Variants in OR1J2 observed in about 807,000 individuals in gnomAD.
OR1J2 encodes olfactory receptor 1J2.
For synonymous variants in OR1J2, 142 were observed against 99.7 expected (o/e 1.42, Z -2.52); for missense variants, 304 against 246.1 (o/e 1.24, Z -1.57).
the OR1J2 span, among the ~76,000 whole-genome samples, chr9:122,456,150 T>C: frequency 6.6e-6 from 1 of 152,222 alleles, no homozygotes; most frequent in Non-Finnish European, 1.5e-5. Context: ...TTTGTTCTTA[T>C]TTTTCAATAT....
the OR1J2 span, among the ~76,000 whole-genome samples, chr9:122,579,713 C>CCTGAAA: frequency 6.6e-6 from 1 of 152,062 alleles, no homozygotes; most frequent in African/African-American, 2.4e-5. Context: ...AGGATTAAGT[C>CCTGAAA]TACATTTTAT....
the OR1J2 span, among the ~76,000 whole-genome samples, chr9:122,467,477 A>T: frequency 6.6e-6 from 1 of 152,196 alleles, no homozygotes; most frequent in Non-Finnish European, 1.5e-5. Flanking sequence ...GTCATTTGTT[A>T]TGTCATTCCC....
the OR1J2 span, among the ~76,000 whole-genome samples, chr9:122,551,251 A>T: frequency 1.3e-5 from 2 of 152,320 alleles, no homozygotes; most frequent in East Asian, 3.9e-4. Context: ...GGATAATAGC[A>T]TGTACTCCAG....
At chr9:122,505,686 A>G in the OR1J2 span, among the ~76,000 whole-genome samples, 9 of 152,234 alleles carry the variant, frequency 5.9e-5, no homozygotes, top group Admixed American at 5.9e-4. Flanking sequence ...ATCCCTATAT[A>G]TTTCACCCCT....
chr9:122,468,807 C>A, the OR1J2 span, among the ~76,000 whole-genome samples: 3 of 152,186 alleles, frequency 2.0e-5, no homozygotes, highest in Non-Finnish European at 4.4e-5. Context: ...TTTCTGCTAG[C>A]GGACTAACCT....
At chr9:122,526,892 C>T in the OR1J2 span, 11 of 1,614,146 alleles carry the variant, frequency 6.8e-6, no homozygotes, top group African/African-American at 1.3e-4. Flanking sequence ...CTTGGGGCCT[C>T]ATGACTGTGG....
the OR1J2 span, among the ~76,000 whole-genome samples, chr9:122,547,882 G>A: frequency 6.6e-6 from 1 of 152,026 alleles, no homozygotes; most frequent in Non-Finnish European, 1.5e-5. Context: ...TTTCCATAGA[G>A]GCTGTATTAA....
the OR1J2 span, chr9:122,553,386 C>G: frequency 2.3e-5 from 37 of 1,614,148 alleles, no homozygotes; most frequent in South Asian, 4.0e-4. Flanking sequence ...CCCACACCTC[C>G]ATACTCCCAT....
chr9:122,489,196 A>T, the OR1J2 span, among the ~76,000 whole-genome samples: 6 of 152,208 alleles, frequency 3.9e-5, no homozygotes, highest in South Asian at 4.1e-4. Flanking sequence ...AACCCAAATT[A>T]AAGGCATCAA....
chr9:122,524,076 C>T, the OR1J2 span, among the ~76,000 whole-genome samples: 3 of 152,168 alleles, frequency 2.0e-5, no homozygotes, highest in Non-Finnish European at 4.4e-5. Flanking sequence ...TCATGTGCCT[C>T]ATAATGATGT....
the OR1J2 span, among the ~76,000 whole-genome samples, chr9:122,543,755 A>G: frequency 6.6e-6 from 1 of 152,336 alleles, no homozygotes; most frequent in East Asian, 1.9e-4. Context: ...CTCAACATCA[A>G]CAACCAGAGA....
chr9:122,495,872 C>T, the OR1J2 span, among the ~76,000 whole-genome samples: 27 of 152,214 alleles, frequency 1.8e-4, no homozygotes, highest in South Asian at 1.2e-3. Context: ...TTTGTCCTAC[C>T]GGGTGCTCCC....
At chr9:122,478,171 T>C in the OR1J2 span, among the ~76,000 whole-genome samples, 1 of 152,238 alleles carries the variant, frequency 6.6e-6, no homozygotes, top group African/African-American at 2.4e-5. Flanking sequence ...TAAAAGTTGT[T>C]TGCTAAATGT....
At chr9:122,520,975 G>T in the OR1J2 span, among the ~76,000 whole-genome samples, 128 of 152,308 alleles carry the variant, frequency 8.4e-4, no homozygotes, top group African/African-American at 2.8e-3. Flanking sequence ...CTTCTGAGAA[G>T]CAGCAATGTG....
At chr9:122,522,416 A>G in the OR1J2 span, among the ~76,000 whole-genome samples, 1 of 152,230 alleles carries the variant, frequency 6.6e-6, no homozygotes, top group Non-Finnish European at 1.5e-5. Flanking sequence ...GTAACACACA[A>G]TTCTGACATG....
chr9:122,569,100 A>C, the OR1J2 span, among the ~76,000 whole-genome samples: 1 of 152,162 alleles, frequency 6.6e-6, no homozygotes, highest in Non-Finnish European at 1.5e-5. Context: ...GGGCAAATCT[A>C]AGACGACTGT....
At chr9:122,542,539 C>T in the OR1J2 span, among the ~76,000 whole-genome samples, 2 of 152,084 alleles carry the variant, frequency 1.3e-5, no homozygotes, top group South Asian at 4.1e-4. Context: ...TTTAAAAATA[C>T]ACAGCAAGGT....
At chr9:122,537,916 G>A in the OR1J2 span, among the ~76,000 whole-genome samples, 1 of 152,294 alleles carries the variant, frequency 6.6e-6, no homozygotes, top group African/African-American at 2.4e-5. Flanking sequence ...AAAGTGATGA[G>A]GGCTGGGCAT....
chr9:122,480,409 T>A, the OR1J2 span, among the ~76,000 whole-genome samples: 1 of 152,176 alleles, frequency 6.6e-6, no homozygotes, highest in Admixed American at 6.5e-5. Context: ...TAGAAAACTT[T>A]ATAGATTATG....
Sources: allele counts gnomAD v4.1 joint callset (sites outside exome capture counted in the v4.1 genomes callset), GRCh38; gene constraint gnomAD v4.1.1; transcripts MANE v1.5; gene names NCBI Gene and HGNC (gene_info 2026-07-23, HGNC 2026-07-21).